GPR155: variants seen among roughly 807,000 people sequenced by gnomAD.
GPR155 encodes lysosomal cholesterol signaling protein.
In GPR155, 65 loss-of-function variants were observed where a neutral mutation model predicts 93.1. That is an observed-to-expected ratio of 0.70 (90% CI 0.57 to 0.86). The LOEUF is 0.86. Among genes scored for constraint, GPR155 ranks in the 40% least tolerant of loss-of-function variants. The pLI, the probability that GPR155 is intolerant of heterozygous loss-of-function variation, is 0.00. For missense variants in GPR155, 838 were observed against 1,034.8 expected, an observed-to-expected ratio of 0.81 and a Z score of 2.61; for synonymous variants, 319 against 360.1, an observed-to-expected ratio of 0.89 and a Z score of 1.29.
At chr2:174,450,132 T>C (rs1343830706) in intron 11 of GPR155, among the ~76,000 whole-genome samples, 1 of 129,570 alleles carries the variant, frequency 7.7e-6, no homozygotes, top group Non-Finnish European at 1.8e-5. Flanking sequence ...AGATCCTGTC[T>C]TGAAAAAAAA....
intron 6 of GPR155, 21 bp from the exon 7 acceptor site, chr2:174,465,923 A>G (rs745385941): frequency 8.8e-7 from 1 of 1,141,678 alleles, no homozygotes; most frequent in East Asian, 2.3e-5. Context: ...AATTATTAAA[A>G]GACTTTGTAA....
Position 174,436,119 on chromosome 2 carries a change from G to C in GPR155, c.2610C>G (p.Thr870=). ...GTAGGGTTCTCCCCTGCATAATTTA[G>C]GTCTTAGGGGAATGTGAGGGTGGGG... is the stretch of plus-strand genomic sequence containing the variant. ...HSSPPSHSPK[T] is the part of the protein sequence containing the mutation. Residue 870 remains threonine (T), a synonymous_variant, in exon 16 of 16, where the codon ACC becomes ACG. Coordinates refer to ENST00000392552, the MANE Select transcript of GPR155 (RefSeq NM_152529.7). 1.2e-6 allele frequency: 2 copies of C among 1,609,588 alleles called. No individual in the cohort carries two copies. Among genetic ancestry groups the C allele is most frequent in the Non-Finnish European group, 1.7e-6 (2 of 1,176,090 alleles).
chr2:174,482,094 T>G, intron 1 of GPR155, 107 bp from the exon 2 acceptor site: 1 of 612,622 alleles, frequency 1.6e-6, no homozygotes, highest in Admixed American at 2.9e-5. Context: ...GCCAAATAAA[T>G]ATACATACCC....
At chr2:174,462,181 T>TC (rs1687715983) in intron 7 of GPR155, among the ~76,000 whole-genome samples, 1 of 152,088 alleles carries the variant, frequency 6.6e-6, no homozygotes, top group Non-Finnish European at 1.5e-5. Flanking sequence ...CAGTGGATCC[T>TC]CCCACTTCTG....
chr2:174,472,913 T>A, intron 3 of GPR155, 52 bp downstream of exon 3: 3 of 1,467,164 alleles, frequency 2.0e-6, no homozygotes, highest in Non-Finnish European at 2.8e-6. Flanking sequence ...ATGAATTGGC[T>A]AAATACGGCT....
At chr2:174,451,929 G>A (rs571229340) in intron 11 of GPR155, among the ~76,000 whole-genome samples, 1 of 152,294 alleles carries the variant, frequency 6.6e-6, no homozygotes, top group African/African-American at 2.4e-5. Flanking sequence ...GATTACAGGA[G>A]TGAGCCACCA....
At chr2:174,469,215 ACTTCCC>A in intron 4 of GPR155, 148 bp from the exon 5 acceptor site, 1 of 608,024 alleles carries the variant, frequency 1.6e-6, no homozygotes, top group Non-Finnish European at 2.8e-6. Flanking sequence ...CCAATACCAT[ACTTCCC>A]CTTTCTGAGA....
chr2:174,454,120 G>A (rs1345563138), intron 10 of GPR155, among the ~76,000 whole-genome samples: 3 of 152,064 alleles, frequency 2.0e-5, no homozygotes, highest in Non-Finnish European at 4.4e-5. Flanking sequence ...TTAAGGCTAG[G>A]ATTTTGTTTT....
At position 174,434,530 on chromosome 2, in the gene GPR155, T is replaced by C. The variant is rs1469795692; in HGVS notation, c.*1586A>G. 6.6e-6 allele frequency: 1 copy of C among 152,048 alleles called. No homozygotes were observed. Among genetic ancestry groups the C allele is most frequent in the East Asian group, 1.9e-4 (1 of 5,190 alleles). The allele number at this position is 152,048 out of a possible 1,614,324, so 9.4% of individuals were successfully genotyped here. ...ATATGGAGGTTCTTATTCCTTTCCT[T>C]AATGGCATAGATTAGTAATTTGGGT... On this transcript the variant is annotated 3_prime_UTR_variant, in exon 16 of 16. Transcript: ENST00000392552.
At chr2:174,448,523 GTTTTTTGTTTTTT>G (rs1687214541) in intron 11 of GPR155, among the ~76,000 whole-genome samples, 1 of 102,960 alleles carries the variant, frequency 9.7e-6, no homozygotes, top group Admixed American at 1.1e-4. Flanking sequence ...TTTGTTTTTT[GTTTTTTGTTTTTT>G]TTTTTTTTTT....
chr2:174,460,707 G>T (rs1687666326), intron 9 of GPR155, among the ~76,000 whole-genome samples: 2 of 152,074 alleles, frequency 1.3e-5, no homozygotes, highest in Non-Finnish European at 2.9e-5. Context: ...CTTTACTCCT[G>T]TTTCTGCTCA....
rs112330863 is a variant in GPR155 at position 174,456,307 on chromosome 2, AT to A, written c.1772-2467del. 5.6e-3 allele frequency among the ~76,000 whole-genome samples: 796 copies of A among 141,508 alleles called. 4 individuals carry two copies. Among genetic ancestry groups the A allele is most frequent in the Admixed American group, 7.6e-3 (107 of 14,036 alleles). 92.8% of individuals were successfully genotyped at this position (141,508 alleles called of 152,430 possible). On this transcript the variant is annotated intron_variant, in intron 10 of 15. Coordinates refer to ENST00000392552, the MANE Select transcript of GPR155 (RefSeq NM_152529.7). ...CCCAGGAATTACCATCCTAGGTATA[AT>A]TTTTTTTTTTTTTTGAGACAGTGTC...
intron 1 of GPR155, among the ~76,000 whole-genome samples, chr2:174,485,611 A>AC (rs1475317481): frequency 6.6e-6 from 1 of 151,938 alleles, no homozygotes; most frequent in African/African-American, 2.4e-5. Flanking sequence ...AAAAAAAAAA[A>AC]AAAAAGCAAT....
intron 2 of GPR155, among the ~76,000 whole-genome samples, chr2:174,481,199 A>C (rs1688309285): frequency 6.6e-6 from 1 of 152,226 alleles, no homozygotes; most frequent in Non-Finnish European, 1.5e-5. Flanking sequence ...AACATAATTT[A>C]AATCACAATT....
chr2:174,459,821 G>T, intron 10 of GPR155, 57 bp downstream of exon 10: 1 of 1,321,036 alleles, frequency 7.6e-7, no homozygotes, highest in Non-Finnish European at 1.1e-6. Flanking sequence ...CTCCAGCCGG[G>T]ATGATAGAGC....
intron 14 of GPR155, among the ~76,000 whole-genome samples, chr2:174,440,595 ATGAAC>A (rs1686929432): frequency 6.6e-6 from 1 of 152,222 alleles, no homozygotes; most frequent in African/African-American, 2.4e-5. Flanking sequence ...TGAAATGATT[ATGAAC>A]CTAGCAACTA....
At position 174,481,989 on chromosome 2, in the gene GPR155, T is replaced by G; in HGVS notation, c.-31-2A>C. 1.4e-6 allele frequency: 2 copies of G among 1,440,680 alleles called. No homozygotes were observed. Among genetic ancestry groups the G allele is most frequent in the Non-Finnish European group, 1.9e-6 (2 of 1,041,294 alleles). 89.2% of individuals were successfully genotyped at this position (1,440,680 alleles called of 1,614,324 possible). A position where few individuals can be genotyped will look rare whatever the true frequency, so the allele number is the denominator to read the frequency against. The stretch of plus-strand genomic sequence containing the variant: ...CACCCTCCAACTCCAACCAGATCTC[T>G]GGAAAGAAAGGAAGAAAGATTCAGT... On this transcript the variant is annotated splice_acceptor_variant, in intron 1 of 15. Transcript: ENST00000392552. LOFTEE classifies it low-confidence loss of function (5UTR_SPLICE).
At chr2:174,480,500 A>G (rs967118419) in intron 2 of GPR155, among the ~76,000 whole-genome samples, 1 of 152,176 alleles carries the variant, frequency 6.6e-6, no homozygotes, top group African/African-American at 2.4e-5. Context: ...ATAAAAAAGT[A>G]ATTTAAAATA....
At chr2:174,453,876 C>T in intron 10 of GPR155, 35 bp from the exon 11 acceptor site, 2 of 1,354,646 alleles carry the variant, frequency 1.5e-6, no homozygotes, top group Non-Finnish European at 2.1e-6. Flanking sequence ...GAGTAGAGCC[C>T]AACCACAACA....
Sources: allele counts gnomAD v4.1 joint callset (sites outside exome capture counted in the v4.1 genomes callset), GRCh38; gene constraint gnomAD v4.1.1; transcripts MANE v1.5; gene names NCBI Gene and HGNC (gene_info 2026-07-23, HGNC 2026-07-21).